Variants in TBC1D22B observed in about 807,000 individuals in gnomAD.
TBC1D22B encodes the protein TBC1 domain family member 22B.
In TBC1D22B, 32 loss-of-function variants were observed where a neutral mutation model predicts 69.1. That is an observed-to-expected ratio of 0.46 (90% CI 0.35 to 0.62). The LOEUF (loss-of-function observed/expected upper bound fraction) is 0.62, where lower values mean the gene tolerates loss of function less well. TBC1D22B is among the 20% of genes least tolerant of loss of function. The pLI, the probability that TBC1D22B is intolerant of heterozygous loss-of-function variation, is 0.00. For missense variants in TBC1D22B, 462 were observed against 630.9 expected, an observed-to-expected ratio of 0.73 and a Z score of 2.87; for synonymous variants, 206 against 229.8, an observed-to-expected ratio of 0.90 and a Z score of 0.94.
At chr6:37,271,744 A>G (rs760381272) in intron 2 of TBC1D22B, among the ~76,000 whole-genome samples, 1 of 152,132 alleles carries the variant, frequency 6.6e-6, no homozygotes, top group African/African-American at 2.4e-5. Flanking sequence ...TGCACTTTCT[A>G]TAATTCTACC....
Position 37,330,946 on chromosome 6 carries a change from G to A in TBC1D22B, c.1390-98G>A. ...CTCTTTGAGATGTGTGAGCCAGGAG[G>A]AAGGGGCCCCATTCTAGGCCTTGGT... On this transcript the variant is annotated intron_variant, in intron 12 of 12. Transcript: ENST00000373491. The A allele has an allele frequency of 4.5e-6, 6 of 1,322,852 alleles. No homozygotes were observed. The South Asian group carries it at 5.1e-5, about 11-fold the overall frequency. The allele number at this position is 1,322,852 out of a possible 1,614,324, so 81.9% of individuals were successfully genotyped here. A position where few individuals can be genotyped will look rare whatever the true frequency, so the allele number is the denominator to read the frequency against.
chr6:37,282,078 G>T lies in TBC1D22B; in HGVS notation c.422-107G>T, dbSNP rs1307494382. ...GCACCTCAGACAGTGCACACAGGCA[G>T]CCACACCCTTGGGGAGGAAACACAA... On this transcript the variant is annotated intron_variant, in intron 3 of 12. Coordinates refer to ENST00000373491, the MANE Select transcript of TBC1D22B (RefSeq NM_017772.4). 2.3e-6 allele frequency: 3 copies of T among 1,311,630 alleles called. No individual in the cohort carries two copies. The African/African-American group carries it at 4.3e-5, about 19-fold the overall frequency. 81.2% of individuals were successfully genotyped at this position (1,311,630 alleles called of 1,614,324 possible).
intron 8 of TBC1D22B, among the ~76,000 whole-genome samples, chr6:37,305,580 C>A (rs1767689918): frequency 6.6e-6 from 1 of 151,324 alleles, no homozygotes; most frequent in African/African-American, 2.4e-5. Context: ...TGCAGTGGCG[C>A]AATCTTGGCT....
chr6:37,290,109 C>A (rs909443839), intron 7 of TBC1D22B, among the ~76,000 whole-genome samples: 5 of 152,160 alleles, frequency 3.3e-5, no homozygotes, highest in African/African-American at 1.2e-4. Context: ...CACTAGATAA[C>A]CATCTCCAAA....
chr6:37,301,679 C>A (rs1379044004), intron 8 of TBC1D22B, among the ~76,000 whole-genome samples: 1 of 152,198 alleles, frequency 6.6e-6, no homozygotes, highest in Non-Finnish European at 1.5e-5. Flanking sequence ...AGACTTCTCC[C>A]CACCCTCACA....
At position 37,270,662 on chromosome 6, in the gene TBC1D22B, A is replaced by G. The variant is rs1236416283; in HGVS notation, c.113+1012A>G. Among the ~76,000 whole-genome samples the G allele has an allele frequency of 5.3e-5, 8 of 152,072 alleles. No homozygotes were observed. The East Asian group carries it at 1.5e-3, about 29-fold the overall frequency. On this transcript the variant is annotated intron_variant, in intron 2 of 12. Transcript: ENST00000373491. Reference sequence around the variant, plus strand: ...GTGAATTTAAATGAGGGGATAGGTCACCTTCAGAGATTTTCTAAGAACTTT... The same window carrying G: ...GTGAATTTAAATGAGGGGATAGGTCGCCTTCAGAGATTTTCTAAGAACTTT...
intron 12 of TBC1D22B, among the ~76,000 whole-genome samples, chr6:37,328,344 T>C (rs1312893043): frequency 1.3e-5 from 2 of 152,174 alleles, no homozygotes; most frequent in African/African-American, 4.8e-5. Context: ...ATAAAATGTT[T>C]ATGCCCTTTG....
intron 6 of TBC1D22B, 132 bp from the exon 7 acceptor site, chr6:37,286,875 C>T: frequency 1.4e-6 from 1 of 703,714 alleles, no homozygotes. Flanking sequence ...ACCCTGGAGG[C>T]AGAGGTTGCA....
At chr6:37,323,506 A>ATGAG (rs1025424891) in intron 12 of TBC1D22B, among the ~76,000 whole-genome samples, 6 of 152,216 alleles carry the variant, frequency 3.9e-5, no homozygotes, top group Admixed American at 6.5e-5. Context: ...TGAGTCTCAA[A>ATGAG]TGAGTGAGTG....
intron 5 of TBC1D22B, among the ~76,000 whole-genome samples, chr6:37,283,837 C>A (rs1766921737): frequency 6.6e-6 from 1 of 152,196 alleles, no homozygotes; most frequent in Admixed American, 6.5e-5. Context: ...GTCACAGATT[C>A]CATTCAGCTG....
chr6:37,328,720 T>G (rs195407), intron 12 of TBC1D22B, among the ~76,000 whole-genome samples: 38,638 of 149,744 alleles, frequency 0.26, 6,553 homozygotes, highest in African/African-American at 0.49. Flanking sequence ...TTATTTTCTG[T>G]TTTTTTTTTA....
In TBC1D22B at chr6:37,330,991, T is replaced by C. The variant is rs1020519279; in HGVS notation, c.1390-53T>C. 7 of 1,605,196 alleles carry C rather than the reference T, an allele frequency of 4.4e-6. No individual in the cohort carries two copies. The African/African-American group carries it at 6.7e-5, about 15-fold the overall frequency. On this transcript the variant is annotated intron_variant, in intron 12 of 12. Transcript: ENST00000373491. ...CTTGGTCTCTAAGAATGGGTTCACT[T>C]GTCTGATGGTCTACGGTCTGGTATG...
intron 10 of TBC1D22B, 134 bp downstream of exon 10, chr6:37,314,025 G>T: frequency 1.3e-6 from 1 of 770,502 alleles, no homozygotes; most frequent in Non-Finnish European, 2.3e-6. Context: ...GCTGCTGGCA[G>T]CACCGGGATC....
rs138133514 is a variant in TBC1D22B at position 37,274,426 on chromosome 6, G to T, written c.113+4776G>T. ...TATCCTTAGGTGTTTGTGTTACTAA[G>T]GTACTCATCACCAAACACTTTACCA... On this transcript the variant is annotated intron_variant, in intron 2 of 12. Transcript: ENST00000373491. Among the ~76,000 whole-genome samples, 790 of 152,274 alleles carry T rather than the reference G, an allele frequency of 5.2e-3. 10 individuals carry two copies. The highest frequency in any genetic ancestry group is 0.017 in the African/African-American group (725 of 41,546).
chr6:37,301,460 C>G (rs1183559193), intron 8 of TBC1D22B, among the ~76,000 whole-genome samples: 1 of 152,182 alleles, frequency 6.6e-6, no homozygotes, highest in Non-Finnish European at 1.5e-5. Flanking sequence ...ATTTCCCTAT[C>G]CTGGACATTT....
chr6:37,316,914 AG>A (rs1342350988), intron 11 of TBC1D22B, 84 bp downstream of exon 11: 2 of 1,595,382 alleles, frequency 1.3e-6, no homozygotes, highest in Non-Finnish European at 1.7e-6. Flanking sequence ...GTAGCTGCTT[AG>A]AAGCTTCCCC....
intron 2 of TBC1D22B, among the ~76,000 whole-genome samples, chr6:37,274,803 C>T (rs1271043918): frequency 4.6e-5 from 7 of 152,200 alleles, no homozygotes; most frequent in South Asian, 4.1e-4. Flanking sequence ...GTAATCCCAA[C>T]GCTTTGAGAG....
intron 1 of TBC1D22B, among the ~76,000 whole-genome samples, chr6:37,268,082 G>A (rs1188926794): frequency 6.6e-6 from 1 of 152,166 alleles, no homozygotes; most frequent in Non-Finnish European, 1.5e-5. Flanking sequence ...ATTAGTTGAA[G>A]TTTGTTCTCT....
intron 10 of TBC1D22B, 41 bp from the exon 11 acceptor site, chr6:37,316,662 C>G (rs1385931373): frequency 1.2e-6 from 2 of 1,612,560 alleles, no homozygotes; most frequent in Admixed American, 1.7e-5. Context: ...TTTCAGGGTC[C>G]AGTCCCCTAG....
Sources: allele counts gnomAD v4.1 joint callset (sites outside exome capture counted in the v4.1 genomes callset), GRCh38; gene constraint gnomAD v4.1.1; transcripts MANE v1.5; gene names NCBI Gene and HGNC (gene_info 2026-07-23, HGNC 2026-07-21).